SORBS2: variants seen among roughly 807,000 people sequenced by gnomAD.
The protein encoded by SORBS2 is sorbin and SH3 domain-containing protein 2.
Under a neutral mutation model 97.7 loss-of-function variants are expected in SORBS2, and 46 were observed. The observed-to-expected ratio is 0.47, with a 90% CI of 0.37 to 0.60. SORBS2 has a LOEUF of 0.60. Among genes scored for constraint, SORBS2 ranks in the 20% least tolerant of loss-of-function variants. The pLI is 0.00. For synonymous variants in SORBS2, 476 were observed against 473.4 expected, an observed-to-expected ratio of 1.01 and a Z score of -0.07; for missense variants, 1,316 against 1,282.3, an observed-to-expected ratio of 1.03 and a Z score of -0.40.
chr4:185,745,558 G>A (rs1038668488), intron 2 of SORBS2, among the ~76,000 whole-genome samples: 1 of 152,116 alleles, frequency 6.6e-6, no homozygotes, highest in African/African-American at 2.4e-5. Context: ...ATCCTGATTT[G>A]ATGGCGACCT....
chr4:185,932,063 TTATTA>T (rs1388690204), intron 1 of SORBS2, among the ~76,000 whole-genome samples: 1 of 151,656 alleles, frequency 6.6e-6, no homozygotes, highest in African/African-American at 2.4e-5. Context: ...GTGTGTGTGT[TTATTA>T]TATATTTATT....
intron 1 of SORBS2, among the ~76,000 whole-genome samples, chr4:185,840,615 C>T (rs1561224801): frequency 6.6e-6 from 1 of 152,194 alleles, no homozygotes; most frequent in Non-Finnish European, 1.5e-5. Flanking sequence ...GCGATGATCT[C>T]TGAGACCTGT....
At chr4:185,840,087 G>A (rs1450341639) in intron 1 of SORBS2, among the ~76,000 whole-genome samples, 2 of 152,210 alleles carry the variant, frequency 1.3e-5, no homozygotes, top group African/African-American at 4.8e-5. Flanking sequence ...TCTGTGAGGT[G>A]TAAATACAGC....
chr4:185,685,796 G>A (rs557063570), intron 2 of SORBS2, among the ~76,000 whole-genome samples: 76 of 152,162 alleles, frequency 5.0e-4, no homozygotes, highest in Non-Finnish European at 9.0e-4. Context: ...ACAAGCATGA[G>A]CCACCGCACC....
At chr4:185,929,745 A>T (rs1158112080) in intron 1 of SORBS2, among the ~76,000 whole-genome samples, 1 of 152,136 alleles carries the variant, frequency 6.6e-6, no homozygotes, top group African/African-American at 2.4e-5. Flanking sequence ...CATGTTGGCC[A>T]GGATGGTCTC....
intron 1 of SORBS2, among the ~76,000 whole-genome samples, chr4:185,787,396 GACA>G (rs1561026953): frequency 1.3e-5 from 2 of 152,184 alleles, no homozygotes; most frequent in Non-Finnish European, 2.9e-5. Context: ...GTACGTAAAA[GACA>G]ACATCTTCTT....
chr4:185,691,800 A>T (rs755064265), intron 2 of SORBS2, among the ~76,000 whole-genome samples: 2 of 151,944 alleles, frequency 1.3e-5, no homozygotes, highest in East Asian at 3.9e-4. Flanking sequence ...GCTGGAGTGC[A>T]GTGGTGCGAT....
At chr4:185,659,329 T>C (rs984338215), upstream of SORBS2, among the ~76,000 whole-genome samples, 1 of 152,150 alleles carries the variant, frequency 6.6e-6, no homozygotes, top group Admixed American at 6.6e-5. Flanking sequence ...AAAGAAGACA[T>C]GGTGGTTGAA....
intron 12 of SORBS2, among the ~76,000 whole-genome samples, chr4:185,601,935 T>G (rs898880339): frequency 1.3e-5 from 2 of 152,202 alleles, no homozygotes; most frequent in East Asian, 1.9e-4. Flanking sequence ...CGCTGCAACT[T>G]GAGACCACAT....
intron 1 of SORBS2, among the ~76,000 whole-genome samples, chr4:185,801,124 T>C (rs896798644): frequency 4.6e-5 from 7 of 152,242 alleles, no homozygotes; most frequent in African/African-American, 1.7e-4. Context: ...ATAAGTGAGA[T>C]TGTACAGTAT....
intron 1 of SORBS2, among the ~76,000 whole-genome samples, chr4:185,908,474 A>G (rs2099252939): frequency 6.8e-6 from 1 of 147,286 alleles, no homozygotes; most frequent in African/African-American, 2.5e-5. Flanking sequence ...ATTCTCAATG[A>G]AAAAAAAAAG....
intron 11 of SORBS2, among the ~76,000 whole-genome samples, chr4:185,613,616 C>T (rs1164572349): frequency 3.0e-5 from 4 of 131,556 alleles, no homozygotes. Flanking sequence ...CATTGCACTC[C>T]AGCCTGGGTG....
At chr4:185,827,364 C>T (rs796663740) in intron 1 of SORBS2, among the ~76,000 whole-genome samples, 2 of 52,216 alleles carry the variant, frequency 3.8e-5, no homozygotes, top group African/African-American at 8.1e-5. Context: ...TCATCATCAT[C>T]ATCATCATCA....
intron 3 of SORBS2, among the ~76,000 whole-genome samples, chr4:185,647,808 G>A (rs1374160087): frequency 6.6e-6 from 1 of 152,148 alleles, no homozygotes; most frequent in African/African-American, 2.4e-5. Flanking sequence ...GAGGAGTTTT[G>A]AGCATTACAT....
exon 3 of SORBS2, chr4:185,649,616 A>T (rs1287338542): frequency 6.3e-7 from 1 of 1,588,614 alleles, no homozygotes; most frequent in Non-Finnish European, 8.6e-7. Context: ...GGGTCTTTGC[A>T]GCAGGGTGTG....
intron 2 of SORBS2, among the ~76,000 whole-genome samples, chr4:185,738,732 A>T (rs979662799): frequency 8.5e-5 from 13 of 152,358 alleles, no homozygotes; most frequent in African/African-American, 3.1e-4. Flanking sequence ...GAGTCTTAAT[A>T]CAATTTTGTT....
At chr4:185,693,754 C>A (rs531699417) in intron 2 of SORBS2, among the ~76,000 whole-genome samples, 3 of 152,254 alleles carry the variant, frequency 2.0e-5, no homozygotes, top group South Asian at 4.1e-4. Context: ...TGCTGACAGA[C>A]AATAATAATG....
At position 185,607,774 on chromosome 4, in the gene SORBS2, A is replaced by C. The variant is rs2096458655; in HGVS notation, c.2796+4006T>G. 6.6e-6 allele frequency among the ~76,000 whole-genome samples: 1 copy of C among 150,778 alleles called. No homozygotes were observed. The highest frequency in any genetic ancestry group is 1.5e-5 in the Non-Finnish European group (1 of 67,570). Reference sequence around the variant, plus strand: ...CAGTGGTGTGATCTCGGCTCACTGCAACCTCTGCCTCCCAGGTTCAAACGA... The same window carrying C: ...CAGTGGTGTGATCTCGGCTCACTGCCACCTCTGCCTCCCAGGTTCAAACGA... On this transcript the variant is annotated intron_variant, in intron 12 of 14. Coordinates refer to ENST00000418609, the Ensembl canonical transcript of SORBS2. This position sits in a 1 kb window ranked among gnomAD's most constrained non-coding sequence, Gnocchi z 5.2.
intron 1 of SORBS2, among the ~76,000 whole-genome samples, chr4:185,815,931 TTAGAA>T (rs1561199538): frequency 6.6e-6 from 1 of 152,346 alleles, no homozygotes; most frequent in South Asian, 2.1e-4. Flanking sequence ...AAAATAGTGT[TTAGAA>T]TAGACACAGA....
Sources: gnomAD v4.1 joint callset for allele counts (sites outside exome capture counted in the v4.1 genomes callset) on GRCh38, gnomAD v4.1.1 for gene constraint, Gnocchi (gnomAD v3.1) non-coding constraint, MANE v1.5 for transcripts, NCBI Gene and HGNC (gene_info 2026-07-23, HGNC 2026-07-21) for gene names.